The following SLC71A2 variants were observed in gnomAD, a reference collection of about 807,000 sequenced individuals.
SLC71A2 encodes the protein hippocampus abundant transcript-like 1.
At chr9:94,453,995 A>G in the SLC71A2 span, 2 of 1,614,102 alleles carry the variant, frequency 1.2e-6, no homozygotes, top group Non-Finnish European at 1.7e-6. Context: ...TCATTAGGAA[A>G]TAAGAATACT....
chr9:94,384,288 G>A, the SLC71A2 span, among the ~76,000 whole-genome samples: 3 of 149,402 alleles, frequency 2.0e-5, no homozygotes, highest in South Asian at 6.3e-4. Flanking sequence ...ATTTCATCTT[G>A]CATAATGTCC....
At chr9:94,415,840 C>A in the SLC71A2 span, among the ~76,000 whole-genome samples, 1 of 152,146 alleles carries the variant, frequency 6.6e-6, no homozygotes, top group Non-Finnish European at 1.5e-5. Context: ...TAACAGGCCA[C>A]GGACTCATAG....
chr9:94,415,176 C>T, the SLC71A2 span: 1 of 1,613,726 alleles, frequency 6.2e-7, no homozygotes. Context: ...CTTTGGCCGA[C>T]CAAGTGTGTA....
the SLC71A2 span, among the ~76,000 whole-genome samples, chr9:94,375,135 GT>G: frequency 1.3e-5 from 2 of 151,936 alleles, no homozygotes; most frequent in African/African-American, 4.8e-5. Flanking sequence ...TTTGGTTATT[GT>G]TTCAAAAGGC....
chr9:94,409,068 C>T, the SLC71A2 span, among the ~76,000 whole-genome samples: 1 of 149,058 alleles, frequency 6.7e-6, no homozygotes, highest in East Asian at 2.0e-4. Flanking sequence ...CTCCTGACCT[C>T]GTGATCCGCC....
the SLC71A2 span, among the ~76,000 whole-genome samples, chr9:94,425,519 GTCT>G: frequency 6.6e-6 from 1 of 152,150 alleles, no homozygotes; most frequent in Non-Finnish European, 1.5e-5. Flanking sequence ...CGTTGAAGCT[GTCT>G]TCTTGAGTTG....
At chr9:94,458,598 C>T in the SLC71A2 span, 1 of 833,676 alleles carries the variant, frequency 1.2e-6, no homozygotes. Flanking sequence ...GTATTGTGTT[C>T]ATTGCTTCTC....
At chr9:94,391,726 A>G in the SLC71A2 span, among the ~76,000 whole-genome samples, 1 of 148,100 alleles carries the variant, frequency 6.8e-6, no homozygotes, top group East Asian at 2.0e-4. Context: ...CGTCTCTACT[A>G]AATATACAAA....
chr9:94,417,651 C>G, the SLC71A2 span, among the ~76,000 whole-genome samples: 1 of 152,102 alleles, frequency 6.6e-6, no homozygotes, highest in Non-Finnish European at 1.5e-5. Context: ...CAAAAAAACC[C>G]AACTCTGTGA....
the SLC71A2 span, among the ~76,000 whole-genome samples, chr9:94,453,716 C>T: frequency 6.6e-6 from 1 of 152,292 alleles, no homozygotes; most frequent in South Asian, 2.1e-4. Context: ...GCCAGCAGAG[C>T]ACCAGGTAGA....
At chr9:94,443,489 ATTC>A in the SLC71A2 span, among the ~76,000 whole-genome samples, 1 of 152,198 alleles carries the variant, frequency 6.6e-6, no homozygotes, top group Non-Finnish European at 1.5e-5. Context: ...GAAAGTGGTA[ATTC>A]TTTCAGGGCT....
the SLC71A2 span, chr9:94,458,264 C>T: frequency 6.5e-7 from 1 of 1,540,726 alleles, no homozygotes; most frequent in Non-Finnish European, 8.8e-7. Context: ...CTGTGCAGCT[C>T]CAAATCTTGA....
the SLC71A2 span, among the ~76,000 whole-genome samples, chr9:94,389,072 T>C: frequency 6.6e-6 from 1 of 151,830 alleles, no homozygotes; most frequent in African/African-American, 2.4e-5. Flanking sequence ...AGTCCTAGTT[T>C]TCTCAGTATA....
At chr9:94,428,163 A>G in the SLC71A2 span, among the ~76,000 whole-genome samples, 1 of 151,336 alleles carries the variant, frequency 6.6e-6, no homozygotes, top group East Asian at 1.9e-4. Flanking sequence ...AGCATTTTTT[A>G]AAAATACGTT....
chr9:94,397,373 G>T, the SLC71A2 span, among the ~76,000 whole-genome samples: 1 of 152,046 alleles, frequency 6.6e-6, no homozygotes, highest in Non-Finnish European at 1.5e-5. Context: ...GAGGCCAGAG[G>T]ATCACTTGAG....
chr9:94,379,570 T>C, the SLC71A2 span, among the ~76,000 whole-genome samples: 1 of 151,164 alleles, frequency 6.6e-6, no homozygotes, highest in Admixed American at 6.6e-5. Context: ...TTAAATTTTT[T>C]TGTAGAGATT....
At chr9:94,421,891 A>G in the SLC71A2 span, among the ~76,000 whole-genome samples, 1 of 151,818 alleles carries the variant, frequency 6.6e-6, no homozygotes, top group Non-Finnish European at 1.5e-5. Context: ...AACACTTCAC[A>G]TAATGTTGTT....
At chr9:94,453,139 C>G in the SLC71A2 span, among the ~76,000 whole-genome samples, 1 of 145,148 alleles carries the variant, frequency 6.9e-6, no homozygotes, top group African/African-American at 2.6e-5. Context: ...CAAACATAAA[C>G]TCAGCCATCT....
chr9:94,456,204 A>T, the SLC71A2 span: 11 of 1,517,880 alleles, frequency 7.2e-6, no homozygotes, highest in African/African-American at 1.5e-4. Context: ...CTTGAGGTTG[A>T]CCTGCTGCCT....
Sources: allele counts gnomAD v4.1 joint callset (sites outside exome capture counted in the v4.1 genomes callset), GRCh38; gene constraint gnomAD v4.1.1; transcripts MANE v1.5; gene names NCBI Gene and HGNC (gene_info 2026-07-23, HGNC 2026-07-21).